The following TCF4 variants were observed in gnomAD, a reference collection of about 807,000 sequenced individuals.
TCF4 encodes transcription factor 4.
In TCF4, 3 loss-of-function variants were observed where a neutral mutation model predicts 82.1. That is an observed-to-expected ratio of 0.04 (90% CI 0.02 to 0.09). The LOEUF (loss-of-function observed/expected upper bound fraction) is 0.09, where lower values mean the gene tolerates loss of function less well. Ranked by LOEUF, TCF4 falls within the 10% of genes least tolerant of loss-of-function variation. The pLI is 1.00. For synonymous variants in TCF4, 276 were observed against 309.6 expected (o/e 0.89, Z 1.14); for missense variants, 518 against 852.7 (o/e 0.61, Z 4.89).
intron 6 of TCF4, among the ~76,000 whole-genome samples, chr18:55,365,475 C>T (rs756362811): frequency 2.7e-4 from 41 of 151,732 alleles, no homozygotes; most frequent in Non-Finnish European, 5.3e-4. Flanking sequence ...GTGGCAAAAG[C>T]AGTGATCATG....
Position 55,552,276 on chromosome 18 carries a change from G to A in TCF4, c.145+33004C>T, listed in dbSNP as rs922523158. Among the ~76,000 whole-genome samples the A allele has an allele frequency of 2.6e-5, 4 of 152,206 alleles. No individual in the cohort carries two copies. The South Asian group carries it at 6.2e-4, about 24-fold the overall frequency. ...CTGAAATAGAACTAAATTGATTTCT[G>A]TTGTACTTACAGTAGTTTATGAATA... On this transcript the variant is annotated intron_variant, in intron 3 of 19. Transcript: ENST00000354452.
At chr18:55,520,808 G>A (rs1194197222) in intron 3 of TCF4, among the ~76,000 whole-genome samples, 2 of 152,156 alleles carry the variant, frequency 1.3e-5, no homozygotes, top group Non-Finnish European at 2.9e-5. Flanking sequence ...GTCTGACATT[G>A]CTCCACAGTT....
chr18:55,439,645 C>T (rs561580471), intron 5 of TCF4, among the ~76,000 whole-genome samples: 105 of 152,326 alleles, frequency 6.9e-4, no homozygotes, highest in African/African-American at 2.4e-3. Context: ...AAACATTCAA[C>T]GCTGGGCATA....
intron 6 of TCF4, among the ~76,000 whole-genome samples, chr18:55,359,428 T>C (rs2084488663): frequency 6.6e-6 from 1 of 152,218 alleles, no homozygotes; most frequent in Non-Finnish European, 1.5e-5. Context: ...TTTTCCTCCT[T>C]TCTAATCTGT....
At chr18:55,600,270 AC>A (rs2097695454) in intron 2 of TCF4, among the ~76,000 whole-genome samples, 1 of 152,188 alleles carries the variant, frequency 6.6e-6, no homozygotes, top group South Asian at 2.1e-4. Flanking sequence ...ACAGATAGGC[AC>A]ATTTTAGTTT....
At chr18:55,511,034 G>T (rs1300552285) in intron 3 of TCF4, among the ~76,000 whole-genome samples, 3 of 152,130 alleles carry the variant, frequency 2.0e-5, no homozygotes, top group Non-Finnish European at 4.4e-5. Context: ...CTCTCTTGGA[G>T]ATGTTTGTAA....
At chr18:55,538,950 G>C (rs1398084713) in intron 3 of TCF4, among the ~76,000 whole-genome samples, 3 of 151,804 alleles carry the variant, frequency 2.0e-5, no homozygotes, top group African/African-American at 7.3e-5. Flanking sequence ...ATTGATCTTA[G>C]AAATGAGAGG....
At chr18:55,542,253 G>T (rs2097170684) in intron 3 of TCF4, among the ~76,000 whole-genome samples, 1 of 151,868 alleles carries the variant, frequency 6.6e-6, no homozygotes, top group African/African-American at 2.4e-5. Flanking sequence ...TCCCATAAAT[G>T]CCATCAACTG....
intron 3 of TCF4, among the ~76,000 whole-genome samples, chr18:55,515,648 C>T (rs1426838992): frequency 1.3e-5 from 2 of 152,120 alleles, no homozygotes; most frequent in African/African-American, 4.8e-5. Context: ...AAGGTCAAAG[C>T]CAATCACACA....
chr18:55,378,517 A>T lies in TCF4; in HGVS notation c.369+24937T>A, dbSNP rs9949541. 1.0e-2 allele frequency among the ~76,000 whole-genome samples: 1,522 copies of T among 152,280 alleles called. 26 individuals carry two copies. Among genetic ancestry groups the T allele is most frequent in the Middle Eastern group, 0.037 (11 of 294 alleles). The stretch of plus-strand genomic sequence containing the variant: ...GAAGAAGGTGCTGATATTAATGTCA[A>T]TTAATAGATGAGGAGACTTAGGTAT... On this transcript the variant is annotated intron_variant, in intron 6 of 19. Transcript: ENST00000354452.
Position 55,350,364 on chromosome 18 carries a change from A to T in TCF4, c.544T>A (p.Ser182Thr). The change falls in exon 8 of 20, where the codon TCT (serine) becomes ACT (threonine). Residue 182 changes from serine (S) to threonine (T), a missense_variant. Physicochemically the swap from Ser to Thr is moderately conservative, Grantham distance 58. Around this residue, in one of 7 missense-constraint regions of TCF4, gnomAD observed 211 missense variants for 327.4 expected, o/e 0.64. Transcript: ENST00000354452. The stretch of plus-strand genomic sequence containing the variant: ...CAGAAACAAGCAGTACTTACTGAAG[A>T]TGGCAAACCTGGAGGAACTTTTCGA... ...KVRKVPPGLP[S>T]SVYAPSASTA... is the part of the protein sequence containing the mutation. 1 of 1,613,692 alleles carries T rather than the reference A, an allele frequency of 6.2e-7. No homozygotes were observed. Among genetic ancestry groups the T allele is most frequent in the Non-Finnish European group, 8.5e-7 (1 of 1,179,672 alleles).
At chr18:55,272,244 T>C (rs2060538359) in intron 10 of TCF4, among the ~76,000 whole-genome samples, 4 of 152,128 alleles carry the variant, frequency 2.6e-5, no homozygotes, top group Admixed American at 2.6e-4. Context: ...GAAAATTAGT[T>C]GTTGAAATAA....
At chr18:55,406,922 G>A (rs2094121606) in intron 5 of TCF4, among the ~76,000 whole-genome samples, 2 of 152,212 alleles carry the variant, frequency 1.3e-5, no homozygotes, top group African/African-American at 4.8e-5. Flanking sequence ...GACAATGGTG[G>A]CAGTGCCAAG....
At chr18:55,258,671 A>C (rs776570093) in intron 13 of TCF4, among the ~76,000 whole-genome samples, 4 of 152,210 alleles carry the variant, frequency 2.6e-5, no homozygotes, top group Non-Finnish European at 5.9e-5. Flanking sequence ...AAATTAGAAA[A>C]TGAATAAAAT....
At chr18:55,500,470 A>G (rs1156933712) in intron 3 of TCF4, among the ~76,000 whole-genome samples, 1 of 152,240 alleles carries the variant, frequency 6.6e-6, no homozygotes, top group African/African-American at 2.4e-5. Context: ...GAAAAGACCA[A>G]TGGAACTAAA....
At chr18:55,274,206 A>T (rs984311958) in intron 10 of TCF4, among the ~76,000 whole-genome samples, 1 of 152,184 alleles carries the variant, frequency 6.6e-6, no homozygotes, top group Non-Finnish European at 1.5e-5. Flanking sequence ...GATATAGTTG[A>T]TATTTCTCTA....
chr18:55,623,254 G>C (rs2097723296), intron 2 of TCF4, among the ~76,000 whole-genome samples: 1 of 152,020 alleles, frequency 6.6e-6, no homozygotes, highest in Non-Finnish European at 1.5e-5. Flanking sequence ...GAGAAGTTTA[G>C]ATCACCACAC....
At chr18:55,620,256 G>A (rs565519779) in intron 2 of TCF4, among the ~76,000 whole-genome samples, 41 of 152,110 alleles carry the variant, frequency 2.7e-4, no homozygotes, top group Non-Finnish European at 5.0e-4. Flanking sequence ...TTATAGCAGT[G>A]TGAAATGTTC....
chr18:55,362,353 G>C (rs972792344), intron 6 of TCF4, among the ~76,000 whole-genome samples: 36 of 79,554 alleles, frequency 4.5e-4, no homozygotes, highest in African/African-American at 2.0e-3. Flanking sequence ...AAGGAAGGAA[G>C]GAAGGAAGGA....
Sources: allele counts gnomAD v4.1 joint callset (sites outside exome capture counted in the v4.1 genomes callset), GRCh38; gene constraint gnomAD v4.1.1; regional missense constraint gnomAD v4.1.1; transcripts MANE v1.5; gene names NCBI Gene and HGNC (gene_info 2026-07-23, HGNC 2026-07-21).